The following ABL2 variants were observed in gnomAD, a reference collection of about 807,000 sequenced individuals.
The protein encoded by ABL2 is tyrosine-protein kinase ABL2.
A neutral mutation model predicts 107.7 loss-of-function variants in ABL2; 49 were observed. The observed-to-expected ratio is 0.45, with a 90% CI of 0.36 to 0.58. The LOEUF is 0.58. Among genes scored for constraint, ABL2 ranks in the 20% least tolerant of loss-of-function variants. The pLI is 0.00. For synonymous variants in ABL2, 549 were observed against 548.6 expected, an observed-to-expected ratio of 1.00 and a Z score of -0.01; for missense variants, 1,245 against 1,457.0, an observed-to-expected ratio of 0.85 and a Z score of 2.37.
At chr1:179,177,329 C>T (rs1411705270) in intron 1 of ABL2, among the ~76,000 whole-genome samples, 1 of 152,218 alleles carries the variant, frequency 6.6e-6, no homozygotes, top group Non-Finnish European at 1.5e-5. Flanking sequence ...CAACCCAGCC[C>T]TTCTGGCCTC....
At chr1:179,127,874 A>G (rs1046198698) in intron 3 of ABL2, among the ~76,000 whole-genome samples, 11 of 152,058 alleles carry the variant, frequency 7.2e-5, no homozygotes, top group African/African-American at 2.7e-4. Flanking sequence ...TCTACCAAAA[A>G]TACAAAAAAT....
chr1:179,158,012 A>C (rs1027842917), intron 1 of ABL2, among the ~76,000 whole-genome samples: 2 of 152,222 alleles, frequency 1.3e-5, no homozygotes, highest in Admixed American at 1.3e-4. Context: ...CAGTTTTGCT[A>C]GATTTCCACT....
intron 1 of ABL2, among the ~76,000 whole-genome samples, chr1:179,215,360 G>A (rs1289124045): frequency 6.6e-6 from 1 of 152,076 alleles, no homozygotes; most frequent in Non-Finnish European, 1.5e-5. Flanking sequence ...AATGTCAAAG[G>A]GGACTTTCAT....
At chr1:179,158,063 C>T (rs1658816395) in intron 1 of ABL2, among the ~76,000 whole-genome samples, 1 of 152,046 alleles carries the variant, frequency 6.6e-6, no homozygotes. Flanking sequence ...ACGGTGTTCA[C>T]AAATAAAAGG....
At chr1:179,175,923 T>C (rs892438206) in intron 1 of ABL2, among the ~76,000 whole-genome samples, 1 of 150,956 alleles carries the variant, frequency 6.6e-6, no homozygotes, top group Non-Finnish European at 1.5e-5. Flanking sequence ...TGGTACGATC[T>C]TGGCTCACTA....
intron 10 of ABL2, 77 bp downstream of exon 10, chr1:179,112,232 G>T (rs1654157115): frequency 7.8e-7 from 1 of 1,284,932 alleles, no homozygotes; most frequent in South Asian, 1.3e-5. Context: ...GATCATTTTT[G>T]AAATGTAATT....
intron 1 of ABL2, among the ~76,000 whole-genome samples, chr1:179,174,643 TACTCCTCAAATTTTCTACTGGGGCTGAGC>T (rs1362408341): frequency 6.6e-6 from 1 of 151,764 alleles, no homozygotes; most frequent in Non-Finnish European, 1.5e-5. Context: ...AACTTTTTTA[TACTCCTCAAATTTTCTACTGGGGCTGAGC>T]ACAGTGGCTT....
chr1:179,208,996 T>A (rs1662128951), intron 1 of ABL2, among the ~76,000 whole-genome samples: 1 of 152,082 alleles, frequency 6.6e-6, no homozygotes, highest in Admixed American at 6.5e-5. Flanking sequence ...AGAAACTAAA[T>A]CTAGAAAAAT....
chr1:179,116,613 T>G (rs1252467236), intron 8 of ABL2, among the ~76,000 whole-genome samples: 1 of 150,592 alleles, frequency 6.6e-6, no homozygotes, highest in African/African-American at 2.4e-5. Flanking sequence ...CGGGTTCAAG[T>G]GATTCTCCTA....
chr1:179,219,958 C>T (rs1470106521), intron 1 of ABL2, among the ~76,000 whole-genome samples: 2 of 152,200 alleles, frequency 1.3e-5, no homozygotes, highest in Non-Finnish European at 2.9e-5. Context: ...CACCACAGTG[C>T]CTGGCACTTA....
At chr1:179,127,948 T>C (rs546899116) in intron 3 of ABL2, among the ~76,000 whole-genome samples, 1 of 151,616 alleles carries the variant, frequency 6.6e-6, no homozygotes, top group African/African-American at 2.4e-5. Context: ...GGCAGGAGAA[T>C]TGCTTGAACC....
At chr1:179,120,317 A>T (rs781586319) in intron 5 of ABL2, 43 bp from the exon 6 acceptor site, 9 of 1,273,782 alleles carry the variant, frequency 7.1e-6, no homozygotes, top group South Asian at 3.9e-5. Context: ...CGAGAGGGAC[A>T]AACCCTCAAC....
At chr1:179,122,649 CTTTTTCTT>C in intron 4 of ABL2, among the ~76,000 whole-genome samples, 1 of 151,242 alleles carries the variant, frequency 6.6e-6, no homozygotes, top group Admixed American at 6.6e-5. Flanking sequence ...ATATATATTT[CTTTTTCTT>C]TTTTTCTTTT....
intron 1 of ABL2, among the ~76,000 whole-genome samples, chr1:179,208,489 T>C (rs1189697971): frequency 2.0e-5 from 3 of 152,200 alleles, no homozygotes; most frequent in Non-Finnish European, 2.9e-5. Flanking sequence ...ATTTTGTTCT[T>C]TTTTATGGCT....
chr1:179,111,591 G>A (rs895971695), intron 10 of ABL2, among the ~76,000 whole-genome samples: 2 of 152,102 alleles, frequency 1.3e-5, no homozygotes, highest in Non-Finnish European at 2.9e-5. Flanking sequence ...TGCCAAGCCT[G>A]ATTTTAATTT....
At chr1:179,143,541 A>G (rs1657771545) in intron 1 of ABL2, among the ~76,000 whole-genome samples, 1 of 152,238 alleles carries the variant, frequency 6.6e-6, no homozygotes, top group Non-Finnish European at 1.5e-5. Flanking sequence ...AGCCAAAGTC[A>G]AAGAAATAGC....
At chr1:179,187,466 T>C (rs2102813001) in intron 1 of ABL2, among the ~76,000 whole-genome samples, 1 of 152,284 alleles carries the variant, frequency 6.6e-6, no homozygotes, top group South Asian at 2.1e-4. Flanking sequence ...GTACCCAATA[T>C]TTAATTTGTC....
rs566861601 is a variant in ABL2 at position 179,108,424 on chromosome 1, A to G, written c.2843T>C (p.Leu948Pro). Residue 948 changes from leucine (L) to proline (P), a missense_variant, in exon 12 of 12, where the codon CTC becomes CCC. This residue lies in a region of ABL2 where 761 missense variants were observed against 766.4 expected (regional missense o/e 0.99). Coordinates refer to ENST00000502732, the MANE Select transcript of ABL2 (RefSeq NM_007314.4). Reference sequence around the variant, plus strand: ...ATTCCCCTGAGAGTCTGTGCCAATGAGCTGCACGTCAGCTGGAGTGTGTTT... The same window carrying G: ...ATTCCCCTGAGAGTCTGTGCCAATGGGCTGCACGTCAGCTGGAGTGTGTTT... ...TLKHTPADVQ[L>P]IGTDSQGNKF... 4 of 1,614,216 alleles carry G rather than the reference A, an allele frequency of 2.5e-6. No homozygotes were observed. The highest frequency in any genetic ancestry group is 1.1e-5 in the South Asian group (1 of 91,092).
chr1:179,111,979 A>C (rs930900523), intron 10 of ABL2, among the ~76,000 whole-genome samples: 12 of 151,998 alleles, frequency 7.9e-5, no homozygotes, highest in Non-Finnish European at 1.2e-4. Flanking sequence ...TGGGAGGTGG[A>C]GGTTGCAGTG....
Sources: allele counts gnomAD v4.1 joint callset (sites outside exome capture counted in the v4.1 genomes callset), GRCh38; gene constraint gnomAD v4.1.1; regional missense constraint gnomAD v4.1.1; transcripts MANE v1.5; gene names NCBI Gene and HGNC (gene_info 2026-07-23, HGNC 2026-07-21).